Variants in ANKS1B observed in about 807,000 individuals in gnomAD.
The protein encoded by ANKS1B is ankyrin repeat and sterile alpha motif domain containing 1B.
ANKS1B carries 36 observed loss-of-function variants against 148.3 expected under a neutral mutation model. The ratio of observed to expected loss-of-function variants is 0.24; its 90% CI spans 0.19 to 0.32. The LOEUF is 0.32. Ranked by LOEUF, ANKS1B falls within the 10% of genes least tolerant of loss-of-function variation. The probability of loss-of-function intolerance (pLI) is 1.00; values close to 1 mark genes in which losing one functional copy is unlikely to be tolerated. For synonymous variants in ANKS1B, 542 were observed against 560.8 expected (o/e 0.97, Z 0.47); for missense variants, 1,157 against 1,542.6 (o/e 0.75, Z 4.19).
intron 7 of ANKS1B, among the ~76,000 whole-genome samples, chr12:99,773,868 C>A (rs1357459573): frequency 6.6e-6 from 1 of 152,038 alleles, no homozygotes; most frequent in Non-Finnish European, 1.5e-5. Context: ...ATTACTGTAG[C>A]TCTTCACAAG....
At chr12:99,819,227 T>C (rs1190883836) in intron 2 of ANKS1B, among the ~76,000 whole-genome samples, 1 of 151,890 alleles carries the variant, frequency 6.6e-6, no homozygotes, top group Admixed American at 6.6e-5. Context: ...ACGTCCCATT[T>C]TCTAACTGAA....
At chr12:99,964,932 T>C (rs1355276358) in intron 1 of ANKS1B, among the ~76,000 whole-genome samples, 2 of 152,106 alleles carry the variant, frequency 1.3e-5, no homozygotes, top group Non-Finnish European at 2.9e-5. Context: ...TAAGACGACT[T>C]ATCAAATAAG....
chr12:99,868,609 T>A (rs1460235672), intron 1 of ANKS1B, among the ~76,000 whole-genome samples: 1 of 152,038 alleles, frequency 6.6e-6, no homozygotes, highest in African/African-American at 2.4e-5. Context: ...GGATTTCAGG[T>A]CAAAATAGAA....
At chr12:99,223,447 T>A (rs1168358113) in intron 14 of ANKS1B, among the ~76,000 whole-genome samples, 1 of 152,142 alleles carries the variant, frequency 6.6e-6, no homozygotes. Flanking sequence ...GAACTTGTTT[T>A]CCTGCAACTA....
chr12:99,934,366 T>C (rs2094703219), intron 1 of ANKS1B, among the ~76,000 whole-genome samples: 1 of 152,104 alleles, frequency 6.6e-6, no homozygotes, highest in African/African-American at 2.4e-5. Flanking sequence ...CTTTAAATGT[T>C]TGGTAAAATT....
chr12:99,433,159 T>C (rs2095406900), intron 11 of ANKS1B, among the ~76,000 whole-genome samples: 2 of 152,192 alleles, frequency 1.3e-5, no homozygotes, highest in African/African-American at 4.8e-5. Flanking sequence ...AAAGAAAAGT[T>C]AGAGGACTGA....
intron 11 of ANKS1B, among the ~76,000 whole-genome samples, chr12:99,408,737 T>A (rs754459906): frequency 2.7e-5 from 4 of 145,818 alleles, no homozygotes; most frequent in Admixed American, 6.8e-5. Flanking sequence ...GGCGAACCGA[T>A]ATGAGAAAAG....
chr12:99,242,376 G>T (rs1261788004), intron 14 of ANKS1B, among the ~76,000 whole-genome samples: 2 of 152,100 alleles, frequency 1.3e-5, no homozygotes, highest in Non-Finnish European at 2.9e-5. Context: ...ACAAACCACT[G>T]CTCAATGAAA....
chr12:98,961,725 C>G (rs1157819972), intron 17 of ANKS1B, among the ~76,000 whole-genome samples: 1 of 151,888 alleles, frequency 6.6e-6, no homozygotes, highest in Non-Finnish European at 1.5e-5. Flanking sequence ...ATAGAAACAA[C>G]AAAAAGTTAA....
chr12:99,846,318 A>G (rs1395163090), intron 1 of ANKS1B, among the ~76,000 whole-genome samples: 3 of 150,972 alleles, frequency 2.0e-5, no homozygotes, highest in African/African-American at 7.3e-5. Flanking sequence ...AGCGTTCTTC[A>G]TTTCTTTATT....
At chr12:99,565,921 G>T (rs1336019922) in intron 9 of ANKS1B, among the ~76,000 whole-genome samples, 1 of 152,132 alleles carries the variant, frequency 6.6e-6, no homozygotes, top group Non-Finnish European at 1.5e-5. Flanking sequence ...AGGGCTAGAG[G>T]ACAATGCCCT....
chr12:98,903,571 A>C (rs1412417445), intron 17 of ANKS1B, among the ~76,000 whole-genome samples: 1 of 152,228 alleles, frequency 6.6e-6, no homozygotes, highest in African/African-American at 2.4e-5. Context: ...GCGCAGAGAA[A>C]AGCAGAGCAG....
At chr12:99,763,936 T>C (rs1431101571) in intron 8 of ANKS1B, among the ~76,000 whole-genome samples, 1 of 152,218 alleles carries the variant, frequency 6.6e-6, no homozygotes, top group Non-Finnish European at 1.5e-5. Flanking sequence ...TAGCGATATA[T>C]TGTGAAGTCA....
intron 12 of ANKS1B, among the ~76,000 whole-genome samples, chr12:99,389,191 A>G (rs2093975269): frequency 6.6e-6 from 1 of 152,178 alleles, no homozygotes; most frequent in East Asian, 1.9e-4. Flanking sequence ...AACTGGGGAG[A>G]ATGTCTGGAA....
intron 17 of ANKS1B, among the ~76,000 whole-genome samples, chr12:98,906,654 C>T (rs926990983): frequency 5.3e-5 from 8 of 152,148 alleles, no homozygotes; most frequent in African/African-American, 1.9e-4. Flanking sequence ...TCATTTTTCT[C>T]CCTGATTGAA....
intron 4 of ANKS1B, among the ~76,000 whole-genome samples, chr12:99,803,822 A>G (rs1320764407): frequency 6.6e-6 from 1 of 152,150 alleles, no homozygotes; most frequent in African/African-American, 2.4e-5. Flanking sequence ...ACTTCCATCA[A>G]TGACTTCTCA....
At chr12:99,665,770 C>T (rs745645322) in intron 8 of ANKS1B, among the ~76,000 whole-genome samples, 7 of 152,154 alleles carry the variant, frequency 4.6e-5, no homozygotes, top group Non-Finnish European at 7.4e-5. Flanking sequence ...ACAACCTTAG[C>T]GTGAGCCAAG....
At chr12:99,675,729 T>C (rs920483689) in intron 8 of ANKS1B, among the ~76,000 whole-genome samples, 4 of 151,940 alleles carry the variant, frequency 2.6e-5, no homozygotes, top group Admixed American at 6.6e-5. Context: ...CATCATATTA[T>C]ATATAATAAA....
intron 9 of ANKS1B, among the ~76,000 whole-genome samples, chr12:98,736,030 T>G (rs2097771056): frequency 6.6e-6 from 1 of 152,156 alleles, no homozygotes; most frequent in Non-Finnish European, 1.5e-5. Context: ...ACGGCCCATG[T>G]GGCTGGAGAA....
Sources: allele counts gnomAD v4.1 joint callset (sites outside exome capture counted in the v4.1 genomes callset), GRCh38; gene constraint gnomAD v4.1.1; transcripts MANE v1.5; gene names NCBI Gene and HGNC (gene_info 2026-07-23, HGNC 2026-07-21).